The following PDK1 variants were observed in gnomAD, a reference collection of about 807,000 sequenced individuals.
The protein encoded by PDK1 is pyruvate dehydrogenase kinase 1.
Under a neutral mutation model 54.2 loss-of-function variants are expected in PDK1, and 39 were observed. That is an observed-to-expected ratio of 0.72 (90% confidence interval 0.56 to 0.94). PDK1 has a LOEUF of 0.94. Ranked by LOEUF, PDK1 falls within the 40% of genes least tolerant of loss-of-function variation. PDK1 has a pLI of 0.00. For synonymous variants in PDK1, 221 were observed against 207.1 expected (o/e 1.07, Z -0.58); for missense variants, 552 against 566.0 (o/e 0.98, Z 0.25).
the PDK1 span, among the ~76,000 whole-genome samples, chr2:172,635,326 G>A: frequency 5.7e-4 from 86 of 152,028 alleles, 1 homozygote; most frequent in African/African-American, 1.8e-3. Context: ...TTTGCGGGGC[G>A]GAGGGATGAG....
chr2:172,596,014 A>C lies in PDK1; in HGVS notation c.*45A>C. 1 of 1,543,126 alleles carries C rather than the reference A, an allele frequency of 6.5e-7. No individual in the cohort carries two copies. Among genetic ancestry groups the C allele is most frequent in the South Asian group, 1.2e-5 (1 of 86,216 alleles). On this transcript the variant is annotated 3_prime_UTR_variant, in exon 11 of 11. Transcript: ENST00000282077. ...AAATCCAAATGTGGCTTTTGTATTA[A>C]ATTTGGAAGGTATGGTGTTCAGAAC...
rs1691096408 is a variant in PDK1 at position 172,600,973 on chromosome 2, A to G, written c.*5004A>G. The G allele has an allele frequency of 6.6e-6, 1 of 152,166 alleles. No individual in the cohort carries two copies. Among genetic ancestry groups the G allele is most frequent in the South Asian group, 2.1e-4 (1 of 4,818 alleles). The allele number at this position is 152,166 out of a possible 1,614,324, so 9.4% of individuals were successfully genotyped here. On this transcript the variant is annotated 3_prime_UTR_variant, in exon 11 of 11. Transcript: ENST00000282077. ...CCCCTAAAGGGAAAGGAATGTGCTT[A>G]TTAAGGGCCACTGTTTTACTGGGGT...
At chr2:172,720,096 T>TTC in the PDK1 span, among the ~76,000 whole-genome samples, 2,601 of 136,820 alleles carry the variant, frequency 0.019, 127 homozygotes, top group African/African-American at 0.067. Flanking sequence ...CAAAGAGCTT[T>TTC]TCTCTCTCTC....
At chr2:172,592,814 T>C (rs2149294638) in intron 9 of PDK1, 121 bp from the exon 10 acceptor site, 1 of 503,242 alleles carries the variant, frequency 2.0e-6, no homozygotes, top group South Asian at 2.7e-5. Context: ...ATATTAAATA[T>C]AATGCATCTC....
At chr2:172,663,047 A>G in the PDK1 span, among the ~76,000 whole-genome samples, 433 of 152,366 alleles carry the variant, frequency 2.8e-3, 3 homozygotes, top group Non-Finnish European at 5.0e-3. Context: ...TGCCAGGGTT[A>G]ACAACACAGT....
chr2:172,715,509 G>A, the PDK1 span, among the ~76,000 whole-genome samples: 2 of 152,110 alleles, frequency 1.3e-5, no homozygotes, highest in African/African-American at 4.8e-5. Context: ...TTTTTAGAAA[G>A]CCCAGCGACA....
chr2:172,624,821 C>G, the PDK1 span, among the ~76,000 whole-genome samples: 1 of 152,052 alleles, frequency 6.6e-6, no homozygotes. Context: ...CAACAGAAAC[C>G]TTGTCTCTGT....
At chr2:172,631,168 G>A in the PDK1 span, among the ~76,000 whole-genome samples, 4 of 152,270 alleles carry the variant, frequency 2.6e-5, no homozygotes, top group South Asian at 4.1e-4. Context: ...GTTTTGTGGG[G>A]CCACCTCTAT....
chr2:172,569,975 A>G (rs1689156825), intron 7 of PDK1, among the ~76,000 whole-genome samples: 1 of 152,188 alleles, frequency 6.6e-6, no homozygotes, highest in African/African-American at 2.4e-5. Context: ...ATTGTACATA[A>G]TGTCAGTAAT....
At position 172,597,592 on chromosome 2, in the gene PDK1, A is replaced by G. The variant is rs1241607330; in HGVS notation, c.*1623A>G. On this transcript the variant is annotated 3_prime_UTR_variant, in exon 11 of 11. Transcript: ENST00000282077. ...AACAAAGCGATACAGTGTAGGTGGT[A>G]TCATTCTCTTTCTCACTCAGTGTGG... The G allele has an allele frequency of 2.0e-5, 3 of 152,198 alleles. No homozygotes were observed. The highest frequency in any genetic ancestry group is 2.9e-5 in the Non-Finnish European group (2 of 68,032). 9.4% of individuals were successfully genotyped at this position (152,198 alleles called of 1,614,324 possible).
chr2:172,623,375 A>C, the PDK1 span, among the ~76,000 whole-genome samples: 6 of 152,138 alleles, frequency 3.9e-5, no homozygotes. Flanking sequence ...CTCCTAGAAA[A>C]TGCAAGTGCT....
chr2:172,722,056 C>G, the PDK1 span, among the ~76,000 whole-genome samples: 2 of 152,268 alleles, frequency 1.3e-5, no homozygotes, highest in Non-Finnish European at 1.5e-5. Context: ...GAGCCACTTT[C>G]AGGCTTCCCC....
chr2:172,655,765 G>T, the PDK1 span, among the ~76,000 whole-genome samples: 1 of 152,196 alleles, frequency 6.6e-6, no homozygotes, highest in Non-Finnish European at 1.5e-5. Context: ...TGCTGTCCAC[G>T]GATGGCTTGA....
the PDK1 span, among the ~76,000 whole-genome samples, chr2:172,653,119 A>G: frequency 6.6e-6 from 1 of 152,232 alleles, no homozygotes; most frequent in Non-Finnish European, 1.5e-5. Context: ...GTACCAAAAC[A>G]GAGATATAGA....
intron 9 of PDK1, among the ~76,000 whole-genome samples, chr2:172,587,348 A>G (rs371298423): frequency 6.6e-6 from 1 of 152,070 alleles, no homozygotes; most frequent in Non-Finnish European, 1.5e-5. Flanking sequence ...ACAGCTCATA[A>G]AGGCAGGGCG....
Position 172,596,595 on chromosome 2 carries a change from T to C in PDK1, c.*626T>C, listed in dbSNP as rs959172018. On this transcript the variant is annotated 3_prime_UTR_variant, in exon 11 of 11. Coordinates refer to ENST00000282077, the MANE Select transcript of PDK1 (RefSeq NM_002610.5). ...AGCTCTCTGTGGATCTATGCCAAAA[T>C]CATGGGCCATCTTTTCTAAGTGTAC... 7 of 152,202 alleles carry C rather than the reference T, an allele frequency of 4.6e-5. No homozygotes were observed. Among genetic ancestry groups the C allele is most frequent in the Non-Finnish European group, 7.3e-5 (5 of 68,052 alleles). The allele number at this position is 152,202 out of a possible 1,614,324, so 9.4% of individuals were successfully genotyped here.
At chr2:172,570,675 T>A (rs1689198097) in intron 7 of PDK1, 51 bp from the exon 8 acceptor site, 1 of 1,088,000 alleles carries the variant, frequency 9.2e-7, no homozygotes, top group Non-Finnish European at 1.4e-6. Context: ...AAAATTACAC[T>A]TTCTCTTTTC....
the PDK1 span, among the ~76,000 whole-genome samples, chr2:172,702,449 C>G: frequency 1.3e-5 from 2 of 150,550 alleles, no homozygotes; most frequent in Non-Finnish European, 3.0e-5. Context: ...TGCACTCCAG[C>G]CTGGGCAACA....
chr2:172,714,927 CAG>C, the PDK1 span, among the ~76,000 whole-genome samples: 1 of 152,066 alleles, frequency 6.6e-6, no homozygotes, highest in East Asian at 1.9e-4. Context: ...TAAGAGCAAA[CAG>C]AAAATGCACC....
Sources: gnomAD v4.1 joint callset for allele counts (sites outside exome capture counted in the v4.1 genomes callset) on GRCh38, gnomAD v4.1.1 for gene constraint, MANE v1.5 for transcripts, NCBI Gene and HGNC (gene_info 2026-07-23, HGNC 2026-07-21) for gene names.